SLC5A4: variants seen among roughly 807,000 people sequenced by gnomAD.
SLC5A4 encodes the protein solute carrier family 5 member 4, also known as probable glucose sensor protein SLC5A4.
Under a neutral mutation model 70.3 loss-of-function variants are expected in SLC5A4, and 55 were observed. The observed-to-expected ratio is 0.78, with a 90% CI of 0.63 to 0.98. The LOEUF is 0.98. SLC5A4 is among the 50% of genes least tolerant of loss of function. The probability of loss-of-function intolerance (pLI) is 0.00; values close to 1 mark genes in which losing one functional copy is unlikely to be tolerated. For synonymous variants in SLC5A4, 268 were observed against 305.7 expected (o/e 0.88, Z 1.29); for missense variants, 735 against 839.2 (o/e 0.88, Z 1.53).
chr22:32,274,486 C>T, the SLC5A4 span, among the ~76,000 whole-genome samples: 1 of 151,764 alleles, frequency 6.6e-6, no homozygotes, highest in Non-Finnish European at 1.5e-5. Context: ...AGTTCATGGC[C>T]CACTTACACT....
chr22:32,345,881 CCA>C, the SLC5A4 span, among the ~76,000 whole-genome samples: 1 of 152,154 alleles, frequency 6.6e-6, no homozygotes, highest in Non-Finnish European at 1.5e-5. Context: ...ATTTAAATTG[CCA>C]CAGAGGTTAT....
intron 9 of SLC5A4, among the ~76,000 whole-genome samples, chr22:32,232,691 G>A (rs1925827306): frequency 6.6e-6 from 1 of 151,948 alleles, no homozygotes; most frequent in Non-Finnish European, 1.5e-5. Context: ...CTACGAGATA[G>A]GCAGATGGTA....
At chr22:32,329,136 C>CT in the SLC5A4 span, among the ~76,000 whole-genome samples, 1 of 152,210 alleles carries the variant, frequency 6.6e-6, no homozygotes. Context: ...CCCTTTTCTG[C>CT]TTTTTTCTGC....
chr22:32,248,977 AC>A (rs1000614722), intron 3 of SLC5A4, among the ~76,000 whole-genome samples, 175 bp from the exon 4 acceptor site: 21 of 152,122 alleles, frequency 1.4e-4, no homozygotes, highest in African/African-American at 4.3e-4. Flanking sequence ...TGTTTCTATG[AC>A]TCAGGGGCCA....
chr22:32,337,782 T>C, the SLC5A4 span, among the ~76,000 whole-genome samples: 2 of 152,288 alleles, frequency 1.3e-5, no homozygotes, highest in African/African-American at 4.8e-5. Flanking sequence ...CAGGAAGAGA[T>C]ACAAGTAGTC....
At chr22:32,288,383 T>C in the SLC5A4 span, among the ~76,000 whole-genome samples, 1 of 152,170 alleles carries the variant, frequency 6.6e-6, no homozygotes. Flanking sequence ...TAAAAGTTGA[T>C]GTGTTTCCCT....
the SLC5A4 span, among the ~76,000 whole-genome samples, chr22:32,291,232 CT>C: frequency 3.2e-5 from 4 of 126,192 alleles, no homozygotes; most frequent in Admixed American, 1.8e-4. Flanking sequence ...GAGATGGAGT[CT>C]TTCTCTGTTA....
At chr22:32,309,210 A>G in the SLC5A4 span, among the ~76,000 whole-genome samples, 3 of 152,180 alleles carry the variant, frequency 2.0e-5, no homozygotes, top group Non-Finnish European at 4.4e-5. Context: ...TAGAGATTCC[A>G]AAACACACAA....
intron 14 of SLC5A4, among the ~76,000 whole-genome samples, chr22:32,219,049 A>G (rs986019298): frequency 6.6e-6 from 1 of 152,234 alleles, no homozygotes; most frequent in Non-Finnish European, 1.5e-5. Flanking sequence ...CCATGTCAGC[A>G]TATTAGAGAG....
chr22:32,271,331 CTCTCTCGTCAAGGAGGTGCT>C, the SLC5A4 span: 1 of 738,042 alleles, frequency 1.4e-6, no homozygotes, highest in Non-Finnish European at 2.4e-6. Context: ...GAGGAGCTGC[CTCTCTCGTCAAGGAGGTGCT>C]GCTGGTTGTG....
At chr22:32,232,205 A>C (rs1172603471) in intron 9 of SLC5A4, among the ~76,000 whole-genome samples, 1 of 152,166 alleles carries the variant, frequency 6.6e-6, no homozygotes, top group East Asian at 1.9e-4. Context: ...CTGCAGTAAG[A>C]AGTGATGTTG....
At chr22:32,338,682 T>C in the SLC5A4 span, among the ~76,000 whole-genome samples, 2 of 152,066 alleles carry the variant, frequency 1.3e-5, no homozygotes, top group African/African-American at 4.8e-5. Context: ...AAATGCAAAC[T>C]GTATAGAAAT....
chr22:32,271,446 C>T, the SLC5A4 span: 35 of 764,216 alleles, frequency 4.6e-5, no homozygotes, highest in Non-Finnish European at 7.6e-5. Context: ...CCACGACTCT[C>T]GGCTCAGCCA....
the SLC5A4 span, among the ~76,000 whole-genome samples, chr22:32,321,064 G>A: frequency 6.6e-6 from 1 of 152,198 alleles, no homozygotes; most frequent in Non-Finnish European, 1.5e-5. Flanking sequence ...GAGGCAGGCG[G>A]ATCACCAGGT....
At chr22:32,328,045 G>A in the SLC5A4 span, among the ~76,000 whole-genome samples, 3 of 151,644 alleles carry the variant, frequency 2.0e-5, no homozygotes, top group South Asian at 2.1e-4. Flanking sequence ...TTCACAAGCC[G>A]TGTGACCTTG....
chr22:32,293,486 A>C, the SLC5A4 span, among the ~76,000 whole-genome samples: 1 of 152,140 alleles, frequency 6.6e-6, no homozygotes, highest in Non-Finnish European at 1.5e-5. Context: ...AGATTACAAA[A>C]TGCATCCGTA....
the SLC5A4 span, among the ~76,000 whole-genome samples, chr22:32,349,095 C>T: frequency 7.2e-5 from 11 of 152,124 alleles, no homozygotes; most frequent in Admixed American, 2.0e-4. Context: ...CTGCCTCAGC[C>T]TCCCGAGTAG....
chr22:32,321,974 G>A, the SLC5A4 span, among the ~76,000 whole-genome samples: 1 of 152,190 alleles, frequency 6.6e-6, no homozygotes, highest in African/African-American at 2.4e-5. Flanking sequence ...CATGTTCCCA[G>A]CATTGTGCAT....
chr22:32,291,371 G>A, the SLC5A4 span, among the ~76,000 whole-genome samples: 1 of 151,936 alleles, frequency 6.6e-6, no homozygotes, highest in Admixed American at 6.6e-5. Flanking sequence ...TAGAGACGGG[G>A]TTTCACCGTA....
Sources: allele counts gnomAD v4.1 joint callset (sites outside exome capture counted in the v4.1 genomes callset), GRCh38; gene constraint gnomAD v4.1.1; transcripts MANE v1.5; gene names NCBI Gene and HGNC (gene_info 2026-07-23, HGNC 2026-07-21).